The following NAV1 variants were observed in gnomAD, a reference collection of about 807,000 sequenced individuals.
NAV1 encodes pore membrane and/or filament interacting like protein 3.
In NAV1, 18 loss-of-function variants were observed where a neutral mutation model predicts 175.2. The ratio of observed to expected loss-of-function variants is 0.10; its 90% confidence interval spans 0.07 to 0.15. The LOEUF is 0.15. NAV1 is among the 10% of genes least tolerant of loss of function. The pLI is 1.00. For synonymous variants in NAV1, 897 were observed against 978.7 expected (o/e 0.92, Z 1.56); for missense variants, 1,731 against 2,436.6 (o/e 0.71, Z 6.10).
At chr1:201,769,961 A>G (rs1392509895) in intron 3 of NAV1, among the ~76,000 whole-genome samples, 2 of 152,208 alleles carry the variant, frequency 1.3e-5, no homozygotes, top group Non-Finnish European at 2.9e-5. Flanking sequence ...ACTTTTAAGA[A>G]CCATGCTGTG....
chr1:201,711,535 GCTGAGGAGGGA>G (rs1671905869), intron 1 of NAV1, among the ~76,000 whole-genome samples: 1 of 152,238 alleles, frequency 6.6e-6, no homozygotes, highest in African/African-American at 2.4e-5. Context: ...GAGTCTGTGG[GCTGAGGAGGGA>G]CTGAGGGGGC....
At chr1:201,809,390 A>T (rs1481899300) in intron 21 of NAV1, 52 bp from the exon 26 acceptor site, 3 of 1,597,488 alleles carry the variant, frequency 1.9e-6, no homozygotes, top group East Asian at 4.5e-5. Flanking sequence ...ACCCCGGTTC[A>T]TGGAGTCATC....
intron 1 of NAV1, among the ~76,000 whole-genome samples, chr1:201,706,972 T>G (rs546360520): frequency 2.8e-4 from 43 of 152,234 alleles, no homozygotes; most frequent in Middle Eastern, 3.4e-3. Context: ...CTACATCAGA[T>G]TTTAGACTGC....
At chr1:201,649,469 T>G in intron 1 of NAV1, 44 bp downstream of exon 5, 1 of 1,418,304 alleles carries the variant, frequency 7.1e-7, no homozygotes, top group Non-Finnish European at 9.3e-7. Context: ...GGCTTTCTCC[T>G]AACCAGCTGC....
At chr1:201,754,864 A>G (rs1392057480) in intron 3 of NAV1, among the ~76,000 whole-genome samples, 1 of 152,240 alleles carries the variant, frequency 6.6e-6, no homozygotes, top group African/African-American at 2.4e-5. Flanking sequence ...CAATATGTAC[A>G]ATGGACCCTC....
Position 201,651,025 on chromosome 1 carries a change from T to TGGCAGGCACCAA in NAV1, c.757+1603_757+1614dup, listed in dbSNP as rs1348899393. ...ATTAATAAATTTTTGGCAGGCACCATGGCAGGCACCAAGGAGGGATATGGA... is the reference window on the plus strand; with the variant it reads ...ATTAATAAATTTTTGGCAGGCACCATGGCAGGCACCAAGGCAGGCACCAAGGAGGGATATGGA... On this transcript the variant is annotated intron_variant, in intron 1 of 29. Coordinates refer to ENST00000367296, the Ensembl canonical transcript of NAV1. Among the ~76,000 whole-genome samples, 4 of 151,882 alleles carry TGGCAGGCACCAA rather than the reference T, an allele frequency of 2.6e-5. No individual in the cohort carries two copies. In the East Asian group the frequency reaches 7.7e-4, roughly 29 times the overall value.
rs1678770388 is a variant in NAV1 at position 201,812,744 on chromosome 1, T to C, written c.5221+83T>C. Reference sequence around the variant, plus strand: ...CACCTGGAGGGATGCTCCCTTCTCTTCCTGGAGTCTTCGGCATGTAAAGGA... The same window carrying C: ...CACCTGGAGGGATGCTCCCTTCTCTCCCTGGAGTCTTCGGCATGTAAAGGA... On this transcript the variant is annotated intron_variant, in intron 27 of 29. Coordinates refer to ENST00000367296, the Ensembl canonical transcript of NAV1. The surrounding 1 kb of genome is among the most constrained non-coding windows in gnomAD (Gnocchi z 4.6). 3.1e-6 allele frequency: 4 copies of C among 1,277,318 alleles called. No individual in the cohort carries two copies. In the South Asian group the frequency reaches 5.2e-5, roughly 17 times the overall value. The allele number at this position is 1,277,318 out of a possible 1,614,324, so 79.1% of individuals were successfully genotyped here. A position where few individuals can be genotyped will look rare whatever the true frequency, so the allele number is the denominator to read the frequency against.
intron 3 of NAV1, among the ~76,000 whole-genome samples, chr1:201,769,198 A>C (rs1675403844): frequency 6.6e-6 from 1 of 152,228 alleles, no homozygotes; most frequent in African/African-American, 2.4e-5. Flanking sequence ...GCCTTATCTA[A>C]AACACTTGCA....
chr1:201,629,309 G>A, intron 1 of NAV1, 95 bp from the exon 4 acceptor site: 1 of 855,908 alleles, frequency 1.2e-6, no homozygotes, highest in South Asian at 1.6e-5. Context: ...CAGAGAAGAA[G>A]AACCAAGTTC....
At chr1:201,737,675 C>T (rs1423881127) in intron 3 of NAV1, among the ~76,000 whole-genome samples, 2 of 152,112 alleles carry the variant, frequency 1.3e-5, no homozygotes, top group Non-Finnish European at 2.9e-5. Flanking sequence ...ACCCCTGTCC[C>T]TCCAAGTAAA....
chr1:201,576,765 T>A (rs940091720), intron 1 of NAV1, among the ~76,000 whole-genome samples: 2 of 152,244 alleles, frequency 1.3e-5, no homozygotes, highest in Admixed American at 1.3e-4. Flanking sequence ...GTATGAATGA[T>A]CCAGTTTCTC....
chr1:201,783,991 T>C (rs1676525051), intron 7 of NAV1, 139 bp downstream of exon 11: 1 of 727,032 alleles, frequency 1.4e-6, no homozygotes, highest in African/African-American at 1.8e-5. Flanking sequence ...TTTAATTTGC[T>C]TCACAACAAC....
chr1:201,609,487 C>T (rs1667786091), intron 2 of NAV1, among the ~76,000 whole-genome samples: 1 of 152,234 alleles, frequency 6.6e-6, no homozygotes, highest in African/African-American at 2.4e-5. Context: ...CATCCCTTGC[C>T]CCAGACCAGT....
intron 1 of NAV1, among the ~76,000 whole-genome samples, chr1:201,702,018 A>G (rs931608448): frequency 1.3e-5 from 2 of 152,272 alleles, no homozygotes; most frequent in African/African-American, 4.8e-5. Context: ...AATGTGGTAT[A>G]TCCATACAAT....
chr1:201,557,753 A>G (rs1337268119), intron 1 of NAV1, among the ~76,000 whole-genome samples: 13 of 152,218 alleles, frequency 8.5e-5, no homozygotes, highest in African/African-American at 3.1e-4. Context: ...TAATGCTGAG[A>G]AATGTCAAAC....
chr1:201,785,179 G>C (rs1676641355), intron 7 of NAV1, 131 bp from the exon 12 acceptor site: 1 of 825,926 alleles, frequency 1.2e-6, no homozygotes, highest in Non-Finnish European at 1.9e-6. Context: ...TAGAGCTAAA[G>C]CAGGTCATAG....
chr1:201,745,903 G>T (rs531482180), intron 3 of NAV1, among the ~76,000 whole-genome samples: 1 of 152,000 alleles, frequency 6.6e-6, no homozygotes, highest in Non-Finnish European at 1.5e-5. Context: ...CGCCATCTCC[G>T]CTCATTGCCA....
intron 1 of NAV1, among the ~76,000 whole-genome samples, chr1:201,568,166 C>T (rs751099454): frequency 2.0e-5 from 3 of 152,156 alleles, no homozygotes; most frequent in Non-Finnish European, 2.9e-5. Context: ...TGGGGGGCAG[C>T]TGTGGAGCAC....
Position 201,808,693 on chromosome 1 carries a change from C to G in NAV1, c.4039-10C>G, listed in dbSNP as rs764701784. The G allele has an allele frequency of 1.9e-6, 3 of 1,614,244 alleles. No homozygotes were observed. Among genetic ancestry groups the G allele is most frequent in the Non-Finnish European group, 1.7e-6 (2 of 1,180,046 alleles). ...AGTCTGCCACCCTACCCTGTCTGTT[C>G]TTGCCACAGTTGGAGGTGGACCTGC... On this transcript the variant is annotated splice_polypyrimidine_tract_variant and intron_variant, in intron 19 of 29. Transcript: ENST00000367296. This position sits in a 1 kb window ranked among gnomAD's most constrained non-coding sequence, Gnocchi z 5.5.
Sources: allele counts gnomAD v4.1 joint callset (sites outside exome capture counted in the v4.1 genomes callset), GRCh38; gene constraint gnomAD v4.1.1; non-coding constraint Gnocchi (gnomAD v3.1); transcripts MANE v1.5; gene names NCBI Gene and HGNC (gene_info 2026-07-23, HGNC 2026-07-21).